Variants in EDEM3 observed in about 807,000 individuals in gnomAD.
EDEM3 encodes ER degradation-enhancing alpha-mannosidase-like protein 3.
EDEM3 carries 60 observed loss-of-function variants against 110.2 expected under a neutral mutation model. The observed-to-expected ratio is 0.54, with a 90% CI of 0.44 to 0.67. EDEM3 has a LOEUF of 0.67. Among genes scored for constraint, EDEM3 ranks in the 30% least tolerant of loss-of-function variants. The probability of loss-of-function intolerance (pLI) is 0.00; values close to 1 mark genes in which losing one functional copy is unlikely to be tolerated. For missense variants in EDEM3, 996 were observed against 1,121.0 expected, an observed-to-expected ratio of 0.89 and a Z score of 1.59; for synonymous variants, 352 against 382.9, an observed-to-expected ratio of 0.92 and a Z score of 0.94.
At chr1:184,754,399 A>C in intron 1 of EDEM3, 90 bp downstream of exon 1, 1 of 1,565,908 alleles carries the variant, frequency 6.4e-7, no homozygotes, top group Non-Finnish European at 8.7e-7. Flanking sequence ...GCGACAGGAG[A>C]GGCCACTACG....
At chr1:184,716,768 A>T (rs1571373589) in intron 13 of EDEM3, 120 bp downstream of exon 13, 1 of 1,356,766 alleles carries the variant, frequency 7.4e-7, no homozygotes, top group Non-Finnish European at 9.9e-7. Flanking sequence ...AGTAAACACA[A>T]GGAACAAAGG....
intron 18 of EDEM3, among the ~76,000 whole-genome samples, chr1:184,704,229 C>T (rs1314027232): frequency 6.6e-6 from 1 of 152,170 alleles, no homozygotes; most frequent in African/African-American, 2.4e-5. Context: ...ATTCGTATTT[C>T]TAACCCTTGC....
intron 2 of EDEM3, among the ~76,000 whole-genome samples, chr1:184,745,000 T>G (rs144511093): frequency 0.013 from 1,915 of 152,184 alleles, 22 homozygotes; most frequent in Admixed American, 0.02. Flanking sequence ...CAAATAACTA[T>G]GAGTTAAATT....
chr1:184,750,518 C>CT (rs376949251), intron 1 of EDEM3, among the ~76,000 whole-genome samples: 23 of 146,380 alleles, frequency 1.6e-4, no homozygotes, highest in South Asian at 6.4e-4. Context: ...TTAACTTTTT[C>CT]TTTTTTTTTT....
In EDEM3 at chr1:184,719,567, T is replaced by C; in HGVS notation, c.953A>G (p.His318Arg). The C allele has an allele frequency of 6.2e-7, 1 of 1,613,628 alleles. No homozygotes were observed. Among genetic ancestry groups the C allele is most frequent in the South Asian group, 1.1e-5 (1 of 90,956 alleles). ...AATATACCTCATTATGGCATCATAG[T>C]GCTAAAAGATCACAACATGTGTTCA... ...DDSFLERFNT[H>R]YDAIMRYISQ... Residue 318 changes from histidine to arginine, a missense_variant and splice_region_variant, in exon 10 of 20, where the codon CAC becomes CGC. By Grantham distance (29) the His-to-Arg change is conservative (BLOSUM62 0). Around this residue, in one of 5 missense-constraint regions of EDEM3, gnomAD observed 310 missense variants for 394.6 expected, o/e 0.79. Transcript: ENST00000318130.
intron 2 of EDEM3, among the ~76,000 whole-genome samples, chr1:184,743,898 A>T (rs1652275199): frequency 6.6e-6 from 1 of 152,074 alleles, no homozygotes; most frequent in South Asian, 2.1e-4. Flanking sequence ...AAAATATATA[A>T]ATCCACCTTT....
chr1:184,695,855 G>A (rs1380917859), intron 19 of EDEM3, among the ~76,000 whole-genome samples: 1 of 151,946 alleles, frequency 6.6e-6, no homozygotes, highest in Non-Finnish European at 1.5e-5. Context: ...TAGACATGCA[G>A]GAAGGTGTGG....
At chr1:184,743,885 A>G (rs1305996423) in intron 2 of EDEM3, among the ~76,000 whole-genome samples, 1 of 152,066 alleles carries the variant, frequency 6.6e-6, no homozygotes, top group Non-Finnish European at 1.5e-5. Flanking sequence ...CAGCCACATT[A>G]AAAAAATATA....
At chr1:184,748,432 G>A (rs1433017638) in intron 2 of EDEM3, among the ~76,000 whole-genome samples, 1 of 148,676 alleles carries the variant, frequency 6.7e-6, no homozygotes, top group Non-Finnish European at 1.5e-5. Flanking sequence ...CTGGGCGACA[G>A]AGCACAACTC....
At chr1:184,742,634 C>G (rs1652206031) in intron 2 of EDEM3, among the ~76,000 whole-genome samples, 1 of 152,188 alleles carries the variant, frequency 6.6e-6, no homozygotes. Flanking sequence ...GGTGATCCAC[C>G]TGCCTCGGCC....
chr1:184,706,606 C>A (rs1003422169), intron 18 of EDEM3, 37 bp downstream of exon 18: 1 of 1,488,908 alleles, frequency 6.7e-7, no homozygotes, highest in South Asian at 1.5e-5. Flanking sequence ...AAATTATCTC[C>A]CCTTCAGTCA....
chr1:184,725,713 A>G (rs1323952472), intron 7 of EDEM3, among the ~76,000 whole-genome samples: 1 of 152,008 alleles, frequency 6.6e-6, no homozygotes, highest in East Asian at 1.9e-4. Context: ...TGACATGCTT[A>G]AATAATTAGA....
chr1:184,734,627 T>C lies in EDEM3; in HGVS notation c.362A>G (p.Lys121Arg). The C allele has an allele frequency of 6.9e-7, 1 of 1,453,118 alleles. No homozygotes were observed. The allele number at this position is 1,453,118 out of a possible 1,614,324, so 90.0% of individuals were successfully genotyped here. ...LDTLVVLNKT[K>R]EFEDAVRKVL... ...TTTTCTCACTGCATCTTCAAATTCTTTAGTTTTATTTAAAACCTGGGAGAA... is the reference window on the plus strand; with the variant it reads ...TTTTCTCACTGCATCTTCAAATTCTCTAGTTTTATTTAAAACCTGGGAGAA... The change falls in exon 5 of 20, where the codon AAA becomes AGA. Residue 121 changes from lysine to arginine, a missense_variant. Physicochemically the swap from Lys to Arg is conservative, Grantham distance 26. Transcript: ENST00000318130.
chr1:184,704,649 CAAAAAA>C (rs58913815), intron 18 of EDEM3, among the ~76,000 whole-genome samples: 6 of 29,904 alleles, frequency 2.0e-4, no homozygotes, highest in African/African-American at 3.2e-4. Context: ...GACTCTGTCT[CAAAAAA>C]AAAAAAAAAA....
chr1:184,746,097 G>C (rs1003221242), intron 2 of EDEM3, among the ~76,000 whole-genome samples: 6 of 152,154 alleles, frequency 3.9e-5, no homozygotes, highest in Non-Finnish European at 8.8e-5. Context: ...AATTCACTGT[G>C]GGTAAACTGC....
intron 16 of EDEM3, 100 bp from the exon 17 acceptor site, chr1:184,708,444 C>A: frequency 8.1e-7 from 1 of 1,228,682 alleles, no homozygotes; most frequent in East Asian, 2.7e-5. Flanking sequence ...TACTCTACAA[C>A]TTCTTCTTTC....
chr1:184,706,947 T>C, intron 17 of EDEM3, 139 bp from the exon 18 acceptor site: 3 of 887,966 alleles, frequency 3.4e-6, no homozygotes, highest in South Asian at 2.1e-5. Context: ...ATAGTCACCA[T>C]AAAATATTGT....
At chr1:184,748,713 T>G (rs1218592323) in intron 2 of EDEM3, among the ~76,000 whole-genome samples, 1 of 152,196 alleles carries the variant, frequency 6.6e-6, no homozygotes, top group Non-Finnish European at 1.5e-5. Flanking sequence ...GATGTTAGTG[T>G]ATGAAGATAT....
intron 2 of EDEM3, 45 bp from the exon 3 acceptor site, chr1:184,737,756 G>T (rs1651916283): frequency 3.3e-6 from 5 of 1,510,496 alleles, no homozygotes; most frequent in Non-Finnish European, 3.7e-6. Flanking sequence ...ATAAGCGAAA[G>T]CACACATCAT....
Sources: allele counts gnomAD v4.1 joint callset (sites outside exome capture counted in the v4.1 genomes callset), GRCh38; gene constraint gnomAD v4.1.1; regional missense constraint gnomAD v4.1.1; transcripts MANE v1.5; gene names NCBI Gene and HGNC (gene_info 2026-07-23, HGNC 2026-07-21).